Variants in NUP93 observed in about 807,000 individuals in gnomAD.
NUP93 encodes nucleoporin 93.
In NUP93, 55 loss-of-function variants were observed where a neutral mutation model predicts 107.8. That is an observed-to-expected ratio of 0.51 (90% CI 0.41 to 0.64). The LOEUF is 0.64. NUP93 is among the 30% of genes least tolerant of loss of function. The pLI is 0.00. For missense variants in NUP93, 937 were observed against 1,044.7 expected (o/e 0.90, Z 1.42); for synonymous variants, 390 against 397.5 (o/e 0.98, Z 0.22).
At chr16:56,824,782 TGA>T (rs142595090) in intron 8 of NUP93, among the ~76,000 whole-genome samples, 16,615 of 152,260 alleles carry the variant, frequency 0.11, 1,109 homozygotes, top group Middle Eastern at 0.24. Flanking sequence ...ATTAATTACA[TGA>T]GAGCTACTGA....
chr16:56,839,803 A>G, intron 20 of NUP93, 199 bp downstream of exon 20: 1 of 551,788 alleles, frequency 1.8e-6, no homozygotes, highest in African/African-American at 1.9e-5. Context: ...TATTGTCTGA[A>G]TTCCTAATTG....
chr16:56,768,742 C>T (rs1482047933), intron 3 of NUP93, among the ~76,000 whole-genome samples: 1 of 151,266 alleles, frequency 6.6e-6, no homozygotes, highest in Non-Finnish European at 1.5e-5. Flanking sequence ...TGGCGGGCGC[C>T]TGTAGTCCCA....
At chr16:56,771,198 A>G (rs1431425150) in intron 3 of NUP93, among the ~76,000 whole-genome samples, 1 of 152,190 alleles carries the variant, frequency 6.6e-6, no homozygotes, top group Non-Finnish European at 1.5e-5. Context: ...ACATCATCAT[A>G]ATCTTTTCAT....
intron 21 of NUP93, chr16:56,842,570 TGAGG>T: frequency 1.4e-5 from 6 of 433,376 alleles, no homozygotes; most frequent in Admixed American, 1.0e-4. Flanking sequence ...TTTTTTTTTT[TGAGG>T]CAGGGCCTGG....
intron 1 of NUP93, among the ~76,000 whole-genome samples, chr16:56,741,230 C>T (rs1961734640): frequency 1.3e-5 from 2 of 152,074 alleles, no homozygotes; most frequent in South Asian, 4.1e-4. Context: ...TTTTTTGAAG[C>T]AGAGATGTTT....
intron 16 of NUP93, 94 bp downstream of exon 16, chr16:56,834,872 A>G (rs1299910071): frequency 4.8e-6 from 5 of 1,033,508 alleles, no homozygotes; most frequent in South Asian, 3.0e-5. Context: ...TCAAGGTACT[A>G]AAGATGCAAA....
At chr16:56,810,062 C>T (rs1214955811) in intron 5 of NUP93, among the ~76,000 whole-genome samples, 1 of 152,142 alleles carries the variant, frequency 6.6e-6, no homozygotes, top group African/African-American at 2.4e-5. Flanking sequence ...GATGTTCTTT[C>T]TTGATTGCTC....
At chr16:56,741,967 A>G (rs1440481672) in intron 1 of NUP93, 5 of 152,248 alleles carry the variant, frequency 3.3e-5, no homozygotes, top group African/African-American at 1.2e-4. Context: ...GAAAAGACAG[A>G]TGGCTTTGTC....
At chr16:56,813,539 A>C (rs1260701111) in intron 5 of NUP93, among the ~76,000 whole-genome samples, 3 of 152,108 alleles carry the variant, frequency 2.0e-5, no homozygotes, top group Non-Finnish European at 4.4e-5. Flanking sequence ...GATTTTTTAA[A>C]AACCTCATCT....
At chr16:56,799,838 A>G (rs1393737136) in intron 4 of NUP93, among the ~76,000 whole-genome samples, 1 of 152,228 alleles carries the variant, frequency 6.6e-6, no homozygotes, top group East Asian at 1.9e-4. Context: ...TCCATTTTAT[A>G]AGGAAATGTT....
At chr16:56,737,292 G>A (rs1179646215) in intron 1 of NUP93, among the ~76,000 whole-genome samples, 2 of 152,184 alleles carry the variant, frequency 1.3e-5, no homozygotes, top group African/African-American at 4.8e-5. Context: ...TGATGTGTAT[G>A]TGTGGGGAGA....
chr16:56,798,466 C>T lies in NUP93; in HGVS notation c.298-10C>T. On this transcript the variant is annotated splice_polypyrimidine_tract_variant and intron_variant, in intron 3 of 21. Transcript: ENST00000308159. The stretch of plus-strand genomic sequence containing the variant: ...AATTTTAAGTTGTGTTAATTTTCCC[C>T]CATTTATAGGGCTTCCTGAAGAATG... 2.5e-6 allele frequency: 4 copies of T among 1,612,458 alleles called. No individual in the cohort carries two copies. Among genetic ancestry groups the T allele is most frequent in the Non-Finnish European group, 3.4e-6 (4 of 1,178,656 alleles).
chr16:56,832,129 G>T, intron 11 of NUP93, 122 bp downstream of exon 11: 1 of 1,315,566 alleles, frequency 7.6e-7, no homozygotes. Flanking sequence ...TGGGTTCCTC[G>T]TCTCCTGTCC....
chr16:56,753,363 A>G (rs896116789), intron 2 of NUP93, among the ~76,000 whole-genome samples: 4 of 152,168 alleles, frequency 2.6e-5, no homozygotes, highest in Non-Finnish European at 5.9e-5. Flanking sequence ...ATCTAATCAA[A>G]CCCTTGGAAC....
At chr16:56,806,912 G>A (rs1294256760) in intron 5 of NUP93, among the ~76,000 whole-genome samples, 1 of 152,178 alleles carries the variant, frequency 6.6e-6, no homozygotes, top group Non-Finnish European at 1.5e-5. Flanking sequence ...TGGTCTTTCT[G>A]CTTTTGCTGT....
intron 2 of NUP93, among the ~76,000 whole-genome samples, 187 bp downstream of exon 2, chr16:56,748,613 G>T (rs1597104080): frequency 6.6e-6 from 1 of 152,108 alleles, no homozygotes. Flanking sequence ...AGGTTTTCTA[G>T]CCTGTCTGCC....
At chr16:56,837,512 C>A in intron 17 of NUP93, 96 bp from the exon 18 acceptor site, 1 of 987,552 alleles carries the variant, frequency 1.0e-6, no homozygotes, top group Non-Finnish European at 1.6e-6. Flanking sequence ...AATGTCACCC[C>A]AGAAAGTTCT....
intron 2 of NUP93, among the ~76,000 whole-genome samples, chr16:56,755,232 G>C (rs1961997098): frequency 6.6e-6 from 1 of 152,200 alleles, no homozygotes; most frequent in Non-Finnish European, 1.5e-5. Flanking sequence ...ATCCACTGAT[G>C]AATGGATACA....
At chr16:56,741,709 C>T (rs1398341104) in intron 1 of NUP93, 3 of 152,170 alleles carry the variant, frequency 2.0e-5, no homozygotes, top group African/African-American at 4.8e-5. Flanking sequence ...GTTACTTTCT[C>T]TGATGTATAT....
Sources: allele counts gnomAD v4.1 joint callset (sites outside exome capture counted in the v4.1 genomes callset), GRCh38; gene constraint gnomAD v4.1.1; transcripts MANE v1.5; gene names NCBI Gene and HGNC (gene_info 2026-07-23, HGNC 2026-07-21).